TRPM2: variants seen among roughly 807,000 people sequenced by gnomAD.
TRPM2 encodes estrogen-responsive element-associated gene 1 protein.
A neutral mutation model predicts 174.0 loss-of-function variants in TRPM2; 161 were observed. The observed-to-expected ratio is 0.93, with a 90% CI of 0.81 to 1.05. TRPM2 has a LOEUF of 1.05. TRPM2 is among the 50% of genes least tolerant of loss of function. The pLI, the probability that TRPM2 is intolerant of heterozygous loss-of-function variation, is 0.00. For synonymous variants in TRPM2, 954 were observed against 861.3 expected, an observed-to-expected ratio of 1.11 and a Z score of -1.88; for missense variants, 2,057 against 2,038.0, an observed-to-expected ratio of 1.01 and a Z score of -0.18.
At position 44,380,929 on chromosome 21, in the gene TRPM2, G is replaced by A. The variant is rs932977724; in HGVS notation, c.1215+1732G>A. ...TGCTTCACCCTATGAGGACAGGGCG[G>A]GCTGAAGTCCAGGAGACTTTTATGG... On this transcript the variant is annotated intron_variant, in intron 8 of 31. Coordinates refer to ENST00000397928, the MANE Select transcript of TRPM2 (RefSeq NM_003307.4). 2.0e-5 allele frequency among the ~76,000 whole-genome samples: 3 copies of A among 152,204 alleles called. 1 individual carries two copies. The highest frequency in any genetic ancestry group is 4.1e-4 in the South Asian group (2 of 4,828).
At chr21:44,387,613 C>G (rs534920001) in intron 9 of TRPM2, among the ~76,000 whole-genome samples, 1 of 151,962 alleles carries the variant, frequency 6.6e-6, no homozygotes, top group Admixed American at 6.5e-5. Context: ...AAAAGGCAAC[C>G]CATGGAATGG....
intron 28 of TRPM2, 44 bp downstream of exon 28, chr21:44,435,261 C>T (rs2051200091): frequency 1.9e-6 from 3 of 1,590,828 alleles, no homozygotes; most frequent in Admixed American, 1.7e-5. Flanking sequence ...GCAAGGCGGT[C>T]ACCCCACCTT....
intron 2 of TRPM2, among the ~76,000 whole-genome samples, chr21:44,359,709 T>G (rs1460270486): frequency 8.6e-5 from 13 of 151,030 alleles, no homozygotes; most frequent in Admixed American, 6.0e-4. Context: ...ATTTTTTTCC[T>G]GTCTCATCTG....
At chr21:44,406,998 C>A in intron 19 of TRPM2, among the ~76,000 whole-genome samples, 1 of 150,028 alleles carries the variant, frequency 6.7e-6, no homozygotes, top group East Asian at 2.0e-4. Context: ...TGGTGCCACG[C>A]AGAGGTCAGA....
Position 44,376,010 on chromosome 21 carries a change from G to C in TRPM2, c.949G>C (p.Gly317Arg). Residue 317 changes from glycine (G) to arginine (R), a missense_variant, in exon 6 of 32, where the codon GGA becomes CGA. Physicochemically the swap from Gly to Arg is moderately radical, Grantham distance 125 (BLOSUM62 -2). Coordinates refer to ENST00000397928, the MANE Select transcript of TRPM2 (RefSeq NM_003307.4). The surrounding 1 kb of genome is among the most constrained non-coding windows in gnomAD (Gnocchi z 4.2). Reference sequence around the variant, plus strand: ...CATATCGGAGCAGACCAAGGAAAGAGGAGGTAGGGGAGCTTGCTTTCGAGG... The same window carrying C: ...CATATCGGAGCAGACCAAGGAAAGACGAGGTAGGGGAGCTTGCTTTCGAGG... ...KFISEQTKER[G>R]GVAIKIPIVC... is the part of the protein sequence containing the mutation. The C allele has an allele frequency of 6.2e-7, 1 of 1,611,524 alleles. No homozygotes were observed. Among genetic ancestry groups the C allele is most frequent in the Non-Finnish European group, 8.5e-7 (1 of 1,177,894 alleles).
chr21:44,383,691 A>C (rs1455093922), intron 9 of TRPM2, among the ~76,000 whole-genome samples: 1 of 150,596 alleles, frequency 6.6e-6, no homozygotes, highest in Non-Finnish European at 1.5e-5. Flanking sequence ...AACAAGATGA[A>C]GTTAGGAATT....
chr21:44,404,166 T>C (rs1330044052), intron 16 of TRPM2, among the ~76,000 whole-genome samples: 1 of 151,152 alleles, frequency 6.6e-6, no homozygotes, highest in African/African-American at 2.4e-5. Flanking sequence ...CATACACATA[T>C]ATACACATGC....
rs771218227 is a variant in TRPM2 at position 44,353,743 on chromosome 21, G to A, written c.43G>A (p.Glu15Lys). The A allele has an allele frequency of 6.3e-6, 10 of 1,589,132 alleles. No homozygotes were observed. In the Admixed American group the frequency reaches 1.6e-4, roughly 26 times the overall value. The stretch of plus-strand genomic sequence containing the variant: ...GAGGAAAGCTGGCTCGGAGCAGGAG[G>A]AGGGCTTTGAGGGGCTGCCCAGAAG... ...ALRKAGSEQE[E>K]GFEGLPRRVT... The change falls in exon 1 of 32, where the codon GAG becomes AAG. Residue 15 changes from glutamate to lysine, a missense_variant. Coordinates refer to ENST00000397928, the MANE Select transcript of TRPM2 (RefSeq NM_003307.4).
rs765468795 is a variant in TRPM2, at chr21:44,375,847, C to G, written c.786C>G (p.Ala262=). The stretch of plus-strand genomic sequence containing the variant: ...GGCCATCCCAGGGCAGCTTCCCCGC[C>G]GAGTACATACTGGATGAGGATGGCC... ...GLIHPTGSFP[A]EYILDEDGQG... is the part of the protein sequence containing the mutation. Residue 262 remains alanine (A), a synonymous_variant, in exon 6 of 32, where the codon GCC becomes GCG. Transcript: ENST00000397928. 3.1e-6 allele frequency: 5 copies of G among 1,613,194 alleles called. No homozygotes were observed. The South Asian group carries it at 5.5e-5, about 18-fold the overall frequency.
At chr21:44,371,725 C>T (rs563641184) in intron 5 of TRPM2, among the ~76,000 whole-genome samples, 34 of 152,328 alleles carry the variant, frequency 2.2e-4, no homozygotes, top group South Asian at 2.1e-4. Context: ...CAGCACTTAC[C>T]GGGTCCATGA....
At chr21:44,355,005 G>T (rs575414968) in intron 2 of TRPM2, among the ~76,000 whole-genome samples, 1 of 151,950 alleles carries the variant, frequency 6.6e-6, no homozygotes, top group Non-Finnish European at 1.5e-5. Flanking sequence ...GGGCACTGTC[G>T]CGCGGCGAGG....
chr21:44,364,423 G>C (rs2048301149), intron 3 of TRPM2, 141 bp downstream of exon 3: 1 of 1,003,094 alleles, frequency 1.0e-6, no homozygotes, highest in Non-Finnish European at 1.5e-6. Context: ...CACAGCAAGG[G>C]AAGCGGCGGG....
rs1485663303 is a variant in TRPM2 at position 44,354,543 on chromosome 21, A to G, written c.166-105A>G. ...GGGTCGCGCAGGCTTCCTTCCTTCA[A>G]GCAAATAGTGTGAAAGCTCCTCAAG... On this transcript the variant is annotated intron_variant, in intron 1 of 31. Coordinates refer to ENST00000397928, the MANE Select transcript of TRPM2 (RefSeq NM_003307.4). This position sits in a 1 kb window ranked among gnomAD's most constrained non-coding sequence, Gnocchi z 4.3. 9.7e-7 allele frequency: 1 copy of G among 1,027,564 alleles called. No individual in the cohort carries two copies. The highest frequency in any genetic ancestry group is 1.6e-5 in the African/African-American group (1 of 62,690). 63.7% of individuals were successfully genotyped at this position (1,027,564 alleles called of 1,614,324 possible). A position where few individuals can be genotyped will look rare whatever the true frequency, so the allele number is the denominator to read the frequency against.
rs1433094514 is a variant in TRPM2 at position 44,405,342 on chromosome 21, G to A, written c.2657+82G>A. Reference sequence around the variant, plus strand: ...TGAGCACAGGCCGGGCCCAGAACCAGCCACACCGGGTGAGGCTCAGCTCGT... The same window carrying A: ...TGAGCACAGGCCGGGCCCAGAACCAACCACACCGGGTGAGGCTCAGCTCGT... On this transcript the variant is annotated intron_variant, in intron 17 of 31. Coordinates refer to ENST00000397928, the MANE Select transcript of TRPM2 (RefSeq NM_003307.4). 3 of 1,579,236 alleles carry A rather than the reference G, an allele frequency of 1.9e-6. No homozygotes were observed. In the African/African-American group the frequency reaches 4.0e-5, roughly 21 times the overall value.
intron 4 of TRPM2, 185 bp from the exon 5 acceptor site, chr21:44,368,992 C>T: frequency 3.5e-6 from 2 of 568,958 alleles, no homozygotes; most frequent in Admixed American, 3.2e-5. Context: ...CTGTTCCCAC[C>T]CCACCTGAGC....
In TRPM2 at chr21:44,408,070, C is replaced by T. The variant is rs148290598; in HGVS notation, c.2962+1305C>T. 1.1e-3 allele frequency among the ~76,000 whole-genome samples: 163 copies of T among 151,912 alleles called. 2 individuals are homozygous for T. The East Asian group carries it at 0.03, about 28-fold the overall frequency. On this transcript the variant is annotated intron_variant, in intron 19 of 31. Transcript: ENST00000397928. The stretch of plus-strand genomic sequence containing the variant: ...AAGCAATTCTCCTGCCTCAGCCTCC[C>T]GAGTAGCTGGGATTACAGGCACCTG...
intron 12 of TRPM2, among the ~76,000 whole-genome samples, chr21:44,396,093 T>G (rs1602212547): frequency 1.2e-4 from 1 of 8,666 alleles, no homozygotes; most frequent in African/African-American, 6.7e-4. Context: ...TGTGGAGGGG[T>G]GTGGAGGGCT....
At chr21:44,351,777 C>T (rs2047929521), upstream of TRPM2, among the ~76,000 whole-genome samples, 1 of 152,230 alleles carries the variant, frequency 6.6e-6, no homozygotes, top group African/African-American at 2.4e-5. Context: ...ACAGGGGCTC[C>T]TGGCTGCCTC....
intron 5 of TRPM2, 126 bp downstream of exon 5, chr21:44,369,469 T>C (rs45552731): frequency 0.14 from 132,564 of 953,816 alleles, 10,495 homozygotes; most frequent in Admixed American, 0.16. Flanking sequence ...CCGGGCGCTG[T>C]GGGGAGCAGG....
Sources: gnomAD v4.1 joint callset for allele counts (sites outside exome capture counted in the v4.1 genomes callset) on GRCh38, gnomAD v4.1.1 for gene constraint, Gnocchi (gnomAD v3.1) non-coding constraint, MANE v1.5 for transcripts, NCBI Gene and HGNC (gene_info 2026-07-23, HGNC 2026-07-21) for gene names.